The following LAMB3 variants were observed in gnomAD, a reference collection of about 807,000 sequenced individuals.
LAMB3 encodes the protein laminin subunit beta-3.
In LAMB3, 104 loss-of-function variants were observed where a neutral mutation model predicts 140.3. The ratio of observed to expected loss-of-function variants is 0.74; its 90% CI spans 0.63 to 0.87. LAMB3 has a LOEUF of 0.87. LAMB3 is among the 40% of genes least tolerant of loss of function. LAMB3 has a pLI of 0.00. For missense variants in LAMB3, 1,531 were observed against 1,575.2 expected, an observed-to-expected ratio of 0.97 and a Z score of 0.47; for synonymous variants, 592 against 602.9, an observed-to-expected ratio of 0.98 and a Z score of 0.26.
intron 22 of LAMB3, among the ~76,000 whole-genome samples, 190 bp downstream of exon 22, chr1:209,616,281 C>T (rs559206454): frequency 6.6e-6 from 1 of 152,248 alleles, no homozygotes; most frequent in Non-Finnish European, 1.5e-5. Context: ...TTTTTGAGGC[C>T]AGGACAAGTC....
Position 209,630,678 on chromosome 1 carries a change from C to T in LAMB3, c.880G>A (p.Ala294Thr), listed in dbSNP as rs770733108. The T allele has an allele frequency of 6.2e-7, 1 of 1,614,084 alleles. No homozygotes were observed. Among genetic ancestry groups the T allele is most frequent in the Admixed American group, 1.7e-5 (1 of 60,012 alleles). ...CAGGGCCGGTTGTTGTAGAAGGGTG[C>T]ACAGCGCTCACAATTTGGGCCGGCA... ...NTAGPNCERC[A>T]PFYNNRPWRP... The change falls in exon 9 of 23, where the codon GCA (alanine) becomes ACA (threonine). Residue 294 changes from alanine to threonine, a missense_variant. Ala to Thr is a moderately conservative substitution (Grantham distance 58). Coordinates refer to ENST00000356082, the MANE Select transcript of LAMB3 (RefSeq NM_000228.3).
At chr1:209,651,112 G>A (rs2076563135) in intron 1 of LAMB3, 131 bp from the exon 2 acceptor site, 2 of 712,712 alleles carry the variant, frequency 2.8e-6, no homozygotes, top group Non-Finnish European at 5.2e-6. Flanking sequence ...TAGGACACTT[G>A]GAGCAGCAGA....
intron 4 of LAMB3, 103 bp downstream of exon 4, chr1:209,638,431 A>C: frequency 2.5e-6 from 2 of 786,292 alleles, no homozygotes; most frequent in Non-Finnish European, 4.6e-6. Flanking sequence ...TCACACCACC[A>C]TAAGAAATGC....
intron 5 of LAMB3, 55 bp downstream of exon 5, chr1:209,637,853 G>T: frequency 1.4e-6 from 2 of 1,409,056 alleles, no homozygotes; most frequent in Non-Finnish European, 9.9e-7. Context: ...ATGGCTCCAC[G>T]CCCACATGGC....
At chr1:209,642,826 G>T (rs761317349) in intron 3 of LAMB3, among the ~76,000 whole-genome samples, 3 of 152,072 alleles carry the variant, frequency 2.0e-5, no homozygotes, top group Non-Finnish European at 4.4e-5. Flanking sequence ...TTATATTCAG[G>T]AGAGCAAATA....
In LAMB3 at chr1:209,615,399, A is replaced by G. The variant is rs775574815; in HGVS notation, c.3391T>C (p.Leu1131=). ...EMMDRMKDME[L]ELLRGSQAIM... is the part of the protein sequence containing the mutation. ...GCCTGGCTGCCCCGCAGCAGCTCCA[A>G]CTCCATGTCTGAGGCAAATGGAACA... is the stretch of plus-strand genomic sequence containing the variant. The change falls in exon 23 of 23, where the codon TTG becomes CTG. Residue 1131 remains leucine, a synonymous_variant. Transcript: ENST00000356082. 1 of 1,599,096 alleles carries G rather than the reference A, an allele frequency of 6.3e-7. No homozygotes were observed. The highest frequency in any genetic ancestry group is 1.1e-5 in the South Asian group (1 of 90,272).
intron 9 of LAMB3, 156 bp downstream of exon 9, chr1:209,630,459 C>A: frequency 1.1e-6 from 1 of 875,730 alleles, no homozygotes; most frequent in Non-Finnish European, 1.8e-6. Flanking sequence ...TCCATCCTCA[C>A]AGAGCCAGGA....
rs1370042628 is a variant in LAMB3, at chr1:209,622,690, T to C, written c.2557-10A>G. 1.2e-6 allele frequency: 2 copies of C among 1,613,946 alleles called. No homozygotes were observed. The highest frequency in any genetic ancestry group is 1.7e-6 in the Non-Finnish European group (2 of 1,180,008). On this transcript the variant is annotated splice_polypyrimidine_tract_variant and intron_variant, in intron 17 of 22. Coordinates refer to ENST00000356082, the MANE Select transcript of LAMB3 (RefSeq NM_000228.3). ...CCTCGGCTGCCCTAATCTGTTGACA[T>C]ACACTCTAGGTCAGAAGGGGTAAGG...
At position 209,623,765 on chromosome 1, in the gene LAMB3, C is replaced by G; in HGVS notation, c.2138-40G>C. On this transcript the variant is annotated intron_variant, in intron 15 of 22. Transcript: ENST00000356082. The surrounding 1 kb of genome is among the most constrained non-coding windows in gnomAD (Gnocchi z 4.2). Reference sequence around the variant, plus strand: ...ATGAGGAATGGAGATGGAGGAGGAGCAGGAGGGAGAGGGGGTGGCATGCCC... The same window carrying G: ...ATGAGGAATGGAGATGGAGGAGGAGGAGGAGGGAGAGGGGGTGGCATGCCC... The G allele has an allele frequency of 1.2e-6, 2 of 1,613,498 alleles. No homozygotes were observed. Among genetic ancestry groups the G allele is most frequent in the South Asian group, 2.2e-5 (2 of 91,078 alleles).
At chr1:209,636,746 C>T (rs143902413) in intron 5 of LAMB3, among the ~76,000 whole-genome samples, 15 of 152,316 alleles carry the variant, frequency 9.8e-5, no homozygotes, top group African/African-American at 3.6e-4. Context: ...CTTCCCCTGG[C>T]CATTACTGGT....
chr1:209,638,725 A>G, intron 3 of LAMB3, 77 bp from the exon 4 acceptor site: 2 of 837,872 alleles, frequency 2.4e-6, no homozygotes, highest in East Asian at 2.5e-5. Context: ...AGATCCCAGC[A>G]TATCTCCTCT....
At chr1:209,630,530 T>C in intron 9 of LAMB3, 85 bp downstream of exon 9, 1 of 1,439,038 alleles carries the variant, frequency 6.9e-7, no homozygotes, top group South Asian at 1.2e-5. Flanking sequence ...TGGATCCCCC[T>C]GCATCCCAGG....
chr1:209,618,372 C>T, intron 19 of LAMB3, 80 bp downstream of exon 19: 1 of 1,401,206 alleles, frequency 7.1e-7, no homozygotes, highest in South Asian at 1.2e-5. Context: ...CCCTCTGTAC[C>T]CCTCTCCCAG....
In LAMB3 at chr1:209,625,832, G is replaced by T; in HGVS notation, c.1792C>A (p.Arg598Ser). The change falls in exon 14 of 23, where the codon CGC becomes AGC. Residue 598 changes from arginine (R) to serine (S), a missense_variant. Physicochemically the swap from Arg to Ser is moderately radical, Grantham distance 110. Coordinates refer to ENST00000356082, the MANE Select transcript of LAMB3 (RefSeq NM_000228.3). ...GTGGCATTGCGGAGTCTACCAAAGCGCAGGGCCTGCTCCCGGAGGTCCGCA... is the reference window on the plus strand; with the variant it reads ...GTGGCATTGCGGAGTCTACCAAAGCTCAGGGCCTGCTCCCGGAGGTCCGCA... ...YDADLREQAL[R>S]FGRLRNATAS... is the part of the protein sequence containing the mutation. 1.9e-6 allele frequency: 3 copies of T among 1,614,112 alleles called. No homozygotes were observed. Among genetic ancestry groups the T allele is most frequent in the Non-Finnish European group, 2.5e-6 (3 of 1,180,030 alleles).
chr1:209,629,929 G>A lies in LAMB3; in HGVS notation c.944-4C>T, dbSNP rs778642916. On this transcript the variant is annotated splice_polypyrimidine_tract_variant and splice_region_variant and intron_variant, in intron 9 of 22. Transcript: ENST00000356082. ...GAGTGCCCATTGCAGTCGCACCCTG[G>A]AAAAAGAGAGTCCCAGGGCTGACAT... 1.9e-6 allele frequency: 3 copies of A among 1,613,636 alleles called. No individual in the cohort carries two copies. Among genetic ancestry groups the A allele is most frequent in the Non-Finnish European group, 2.5e-6 (3 of 1,179,898 alleles).
chr1:209,625,806 G>A lies in LAMB3; in HGVS notation c.1818C>T (p.Thr606=), dbSNP rs781466716. 1.7e-5 allele frequency: 28 copies of A among 1,614,030 alleles called. No individual in the cohort carries two copies. Among genetic ancestry groups the A allele is most frequent in the Middle Eastern group, 1.6e-4 (1 of 6,084 alleles). ...GCCCAGGCCCTGACCACAGGCTGGCGGTGGCATTGCGGAGTCTACCAAAGC... is the reference window on the plus strand; with the variant it reads ...GCCCAGGCCCTGACCACAGGCTGGCAGTGGCATTGCGGAGTCTACCAAAGC... ...ALRFGRLRNA[T]ASLWSGPGLE... is the part of the protein sequence containing the mutation. Residue 606 remains threonine (T), a synonymous_variant, in exon 14 of 23, where the codon ACC becomes ACT. Coordinates refer to ENST00000356082, the MANE Select transcript of LAMB3 (RefSeq NM_000228.3).
chr1:209,632,765 T>C lies in LAMB3; in HGVS notation c.640A>G (p.Ile214Val), dbSNP rs1571821481. ...GTGAAATTGACTCTCAAGTTTGTGA[T>C]CTCCCCCACCTCTGAGAGGGCCAAA... ...QSQKIQEVGE[I>V]TNLRVNFTRL... The change falls in exon 8 of 23, where the codon ATC (isoleucine) becomes GTC (valine). Residue 214 changes from isoleucine (I) to valine (V), a missense_variant. By Grantham distance (29) the Ile-to-Val change is conservative. Coordinates refer to ENST00000356082, the MANE Select transcript of LAMB3 (RefSeq NM_000228.3). The C allele has an allele frequency of 1.2e-6, 2 of 1,614,030 alleles. No homozygotes were observed. Among genetic ancestry groups the C allele is most frequent in the East Asian group, 2.2e-5 (1 of 44,872 alleles).
chr1:209,625,274 C>T (rs955709202), intron 14 of LAMB3, among the ~76,000 whole-genome samples: 2 of 152,160 alleles, frequency 1.3e-5, no homozygotes, highest in African/African-American at 2.4e-5. Context: ...CAAAGCCACA[C>T]GTGAGTTATT....
At chr1:209,635,327 G>A (rs1321628813) in intron 5 of LAMB3, among the ~76,000 whole-genome samples, 2 of 152,120 alleles carry the variant, frequency 1.3e-5, no homozygotes, top group South Asian at 2.1e-4. Flanking sequence ...GATCTCCCTA[G>A]TAAGCTTCAT....
Sources: allele counts gnomAD v4.1 joint callset (sites outside exome capture counted in the v4.1 genomes callset), GRCh38; gene constraint gnomAD v4.1.1; non-coding constraint Gnocchi (gnomAD v3.1); transcripts MANE v1.5; gene names NCBI Gene and HGNC (gene_info 2026-07-23, HGNC 2026-07-21).